TRIO: variants seen among roughly 807,000 people sequenced by gnomAD.
TRIO encodes trio Rho guanine nucleotide exchange factor.
In TRIO, 58 loss-of-function variants were observed where a neutral mutation model predicts 351.9. The observed-to-expected ratio is 0.16, with a 90% CI of 0.13 to 0.21. The LOEUF (loss-of-function observed/expected upper bound fraction) is 0.21. Ranked by LOEUF, TRIO falls within the 10% of genes least tolerant of loss-of-function variation. TRIO has a pLI of 1.00. For synonymous variants in TRIO, 1,758 were observed against 1,595.7 expected (o/e 1.10, Z -2.42); for missense variants, 3,201 against 4,027.8 (o/e 0.79, Z 5.56).
intron 48 of TRIO, 112 bp downstream of exon 48, chr5:14,488,372 C>A (rs1001073693): frequency 7.0e-7 from 1 of 1,431,692 alleles, no homozygotes; most frequent in Non-Finnish European, 9.2e-7. Context: ...TCTCCGCCGC[C>A]CGTTGCGGCC....
intron 1 of TRIO, among the ~76,000 whole-genome samples, chr5:14,264,267 T>TA (rs1358199707): frequency 1.4e-4 from 21 of 152,130 alleles, no homozygotes; most frequent in African/African-American, 5.1e-4. Context: ...TGAAATTTCT[T>TA]TAACTCCCTT....
chr5:14,492,484 G>A (rs1756560905), intron 48 of TRIO, 83 bp from the exon 49 acceptor site: 1 of 1,561,548 alleles, frequency 6.4e-7, no homozygotes, highest in Non-Finnish European at 8.7e-7. Context: ...GTGCCATGGG[G>A]CACACTGACA....
At chr5:14,143,959 T>C in intron 1 of TRIO, 77 bp downstream of exon 1, 1 of 995,774 alleles carries the variant, frequency 1.0e-6, no homozygotes, top group Non-Finnish European at 1.2e-6. Flanking sequence ...GCTGCCGAGC[T>C]CCGGCCACCG....
At chr5:14,424,026 G>C (rs1010626590) in intron 34 of TRIO, among the ~76,000 whole-genome samples, 1 of 149,038 alleles carries the variant, frequency 6.7e-6, no homozygotes, top group African/African-American at 2.5e-5. Flanking sequence ...CTGGACAACA[G>C]AGTGAGACCT....
chr5:14,473,755 A>G (rs1424123787), intron 39 of TRIO, among the ~76,000 whole-genome samples: 1 of 152,228 alleles, frequency 6.6e-6, no homozygotes, highest in East Asian at 1.9e-4. Context: ...AAGATTTTTG[A>G]TCTGTGAATG....
chr5:14,154,589 C>T (rs1256120183), intron 1 of TRIO, among the ~76,000 whole-genome samples: 1 of 152,118 alleles, frequency 6.6e-6, no homozygotes, highest in Non-Finnish European at 1.5e-5. Flanking sequence ...ATCAGCCATA[C>T]CTCATGTGGT....
intron 1 of TRIO, among the ~76,000 whole-genome samples, chr5:14,170,811 G>T (rs1411650647): frequency 6.6e-6 from 1 of 152,102 alleles, no homozygotes; most frequent in African/African-American, 2.4e-5. Flanking sequence ...GGCTCGAGAT[G>T]TAATATATTC....
At chr5:14,220,453 C>T (rs1210592417) in intron 1 of TRIO, among the ~76,000 whole-genome samples, 2 of 152,128 alleles carry the variant, frequency 1.3e-5, no homozygotes, top group Non-Finnish European at 2.9e-5. Flanking sequence ...GTGAAAGTAA[C>T]GTTTGCACAT....
In TRIO at chr5:14,359,416, C is replaced by T. The variant is rs201514384; in HGVS notation, c.2276C>T (p.Thr759Met). 1.9e-5 allele frequency: 31 copies of T among 1,614,276 alleles called. No individual in the cohort carries two copies. Among genetic ancestry groups the T allele is most frequent in the East Asian group, 1.3e-4 (6 of 44,896 alleles). Residue 759 changes from threonine to methionine, a missense_variant, in exon 13 of 57, where the codon ACG becomes ATG. Physicochemically the swap from Thr to Met is moderately conservative, Grantham distance 81 (BLOSUM62 -1). Coordinates refer to ENST00000344204, the MANE Select transcript of TRIO (RefSeq NM_007118.4). ...PHNSSINHIE[T>M]VLQQLDEAQS... Reference sequence around the variant, plus strand: ...AACAGCTCCATCAACCACATTGAGACGGTGCTGCAGCAGCTGGACGAGGCG... The same window carrying T: ...AACAGCTCCATCAACCACATTGAGATGGTGCTGCAGCAGCTGGACGAGGCG...
At chr5:14,387,968 G>T (rs1746692120) in intron 23 of TRIO, 121 bp downstream of exon 23, 2 of 1,024,114 alleles carry the variant, frequency 2.0e-6, no homozygotes, top group East Asian at 5.2e-5. Flanking sequence ...TTGTTGCTCT[G>T]GGTGGACTTA....
chr5:14,405,916 C>A lies in TRIO; in HGVS notation c.4785C>A (p.Ile1595=), dbSNP rs372920972. The A allele has an allele frequency of 4.3e-6, 7 of 1,613,884 alleles. No homozygotes were observed. In the East Asian group the frequency reaches 1.6e-4, roughly 36 times the overall value. Residue 1595 remains isoleucine (I), a synonymous_variant, in exon 32 of 57, where the codon ATC becomes ATA. Coordinates refer to ENST00000344204, the MANE Select transcript of TRIO (RefSeq NM_007118.4). ...HIREVIQERT[I]HLKGALKEPI... is the part of the protein sequence containing the mutation. ...GCGAAGTCATCCAGGAGCGGACGATCCACCTGAAGGGAGCCCTGAAGGAGC... is the reference window on the plus strand; with the variant it reads ...GCGAAGTCATCCAGGAGCGGACGATACACCTGAAGGGAGCCCTGAAGGAGC...
At chr5:14,458,358 T>C (rs752485856) in intron 34 of TRIO, among the ~76,000 whole-genome samples, 1 of 152,184 alleles carries the variant, frequency 6.6e-6, no homozygotes, top group Non-Finnish European at 1.5e-5. Context: ...GCCCCTGCCT[T>C]CCTGGAGCTT....
chr5:14,191,936 A>G (rs947892424), intron 1 of TRIO, among the ~76,000 whole-genome samples: 15 of 152,114 alleles, frequency 9.9e-5, no homozygotes, highest in African/African-American at 3.4e-4. Flanking sequence ...AATGTTTTCT[A>G]TTTTTCTTTT....
intron 3 of TRIO, among the ~76,000 whole-genome samples, chr5:14,280,882 A>C (rs559382326): frequency 8.5e-5 from 13 of 152,282 alleles, no homozygotes; most frequent in South Asian, 8.3e-4. Context: ...CTTATTAGCT[A>C]TATATTGGGC....
At chr5:14,371,694 G>A (rs1579456741) in intron 18 of TRIO, among the ~76,000 whole-genome samples, 1 of 150,246 alleles carries the variant, frequency 6.7e-6, no homozygotes, top group Non-Finnish European at 1.5e-5. Flanking sequence ...AAGCTGGAGT[G>A]CACTGGTGTG....
chr5:14,288,957 C>A (rs557466842), intron 4 of TRIO, among the ~76,000 whole-genome samples: 30 of 152,172 alleles, frequency 2.0e-4, no homozygotes, highest in Admixed American at 1.6e-3. Flanking sequence ...GATTTCTTGC[C>A]GAGGCCAGGC....
chr5:14,324,292 A>C (rs1036901032), intron 9 of TRIO, among the ~76,000 whole-genome samples: 34 of 152,204 alleles, frequency 2.2e-4, no homozygotes, highest in Admixed American at 1.6e-3. Context: ...GTATTCTTTA[A>C]ATGGATTATA....
At position 14,493,856 on chromosome 5, in the gene TRIO, G is replaced by A. The variant is rs147205638; in HGVS notation, c.7880+1042G>A. ...ACACAAATAGTAAGAAGGCAAAACA[G>A]CCTTTGCTGAGACAGAGAAAGTTTG... On this transcript the variant is annotated intron_variant, in intron 49 of 56. Coordinates refer to ENST00000344204, the MANE Select transcript of TRIO (RefSeq NM_007118.4). 4.6e-5 allele frequency among the ~76,000 whole-genome samples: 7 copies of A among 152,354 alleles called. No homozygotes were observed. The East Asian group carries it at 1.3e-3, about 29-fold the overall frequency.
At chr5:14,340,082 A>C (rs924702780) in intron 11 of TRIO, among the ~76,000 whole-genome samples, 2 of 152,184 alleles carry the variant, frequency 1.3e-5, no homozygotes, top group African/African-American at 2.4e-5. Flanking sequence ...TAAAAATTAC[A>C]TAGAAGAAGA....
Sources: allele counts gnomAD v4.1 joint callset (sites outside exome capture counted in the v4.1 genomes callset), GRCh38; gene constraint gnomAD v4.1.1; transcripts MANE v1.5; gene names NCBI Gene and HGNC (gene_info 2026-07-23, HGNC 2026-07-21).